The following NUF2 variants were observed in gnomAD, a reference collection of about 807,000 sequenced individuals.
NUF2 encodes kinetochore protein Nuf2.
NUF2 carries 34 observed loss-of-function variants against 61.8 expected under a neutral mutation model. That is an observed-to-expected ratio of 0.55 (90% CI 0.42 to 0.73). The LOEUF (loss-of-function observed/expected upper bound fraction) is 0.73, where lower values mean the gene tolerates loss of function less well. Among genes scored for constraint, NUF2 ranks in the 30% least tolerant of loss-of-function variants. The pLI, the probability that NUF2 is intolerant of heterozygous loss-of-function variation, is 0.00. For missense variants in NUF2, 445 were observed against 539.1 expected, an observed-to-expected ratio of 0.83 and a Z score of 1.73; for synonymous variants, 172 against 181.6, an observed-to-expected ratio of 0.95 and a Z score of 0.42.
chr1:163,345,997 C>G, intron 11 of NUF2, 179 bp downstream of exon 11: 1 of 438,484 alleles, frequency 2.3e-6, no homozygotes, highest in East Asian at 3.6e-5. Context: ...ATAGCAGTAG[C>G]AAGACCCAAT....
intron 13 of NUF2, 25 bp from the exon 14 acceptor site, chr1:163,355,310 T>C (rs1354982691): frequency 6.4e-7 from 1 of 1,555,526 alleles, no homozygotes; most frequent in African/African-American, 1.4e-5. Flanking sequence ...GGAATAATTA[T>C]TATTCTGTTT....
chr1:163,323,127 T>C (rs1389202522), intron 1 of NUF2: 4 of 152,206 alleles, frequency 2.6e-5, no homozygotes, highest in African/African-American at 9.7e-5. Flanking sequence ...ATACAAATAT[T>C]ATATGATGCG....
At chr1:163,333,897 G>A (rs146304438) in intron 5 of NUF2, among the ~76,000 whole-genome samples, 1,644 of 152,126 alleles carry the variant, frequency 0.011, 22 homozygotes, top group Non-Finnish European at 0.016. Flanking sequence ...GTGAAATCTC[G>A]GCTTTTAGTG....
intron 8 of NUF2, chr1:163,340,115 T>C: frequency 2.3e-6 from 1 of 436,054 alleles, no homozygotes; most frequent in Non-Finnish European, 4.0e-6. Flanking sequence ...TTTCAACTTA[T>C]ATGTATTATT....
At position 163,340,366 on chromosome 1, in the gene NUF2, A is replaced by T. The variant is rs751726874; in HGVS notation, c.609A>T (p.Ile203=). ...SLNQDFHQKT[I]VLQEGNSQKK... ...AACGTGTTTGCTTTTTCCCTTAGAT[A>T]GTGCTGCAAGAGGGAAATTCCCAAA... The change falls in exon 9 of 14, where the codon ATA becomes ATT. Residue 203 remains isoleucine, a splice_region_variant and synonymous_variant. Transcript: ENST00000271452. 4 of 1,608,940 alleles carry T rather than the reference A, an allele frequency of 2.5e-6. No individual in the cohort carries two copies. The Admixed American group carries it at 6.7e-5, about 27-fold the overall frequency.
intron 9 of NUF2, 80 bp from the exon 10 acceptor site, chr1:163,343,653 T>C: frequency 1.6e-6 from 1 of 639,436 alleles, no homozygotes; most frequent in Non-Finnish European, 2.4e-6. Context: ...ATGGACCTAA[T>C]TTCTTTGTTC....
intron 5 of NUF2, among the ~76,000 whole-genome samples, chr1:163,330,738 T>A (rs1008897693): frequency 2.2e-4 from 34 of 152,264 alleles, no homozygotes; most frequent in African/African-American, 7.5e-4. Flanking sequence ...GTTAAATTTC[T>A]CATAATGATG....
At chr1:163,330,469 GCTTTACAGT>G (rs1650558063) in intron 5 of NUF2, among the ~76,000 whole-genome samples, 3 of 152,142 alleles carry the variant, frequency 2.0e-5, no homozygotes, top group South Asian at 4.1e-4. Context: ...TGATTATTTA[GCTTTACAGT>G]AAATTTTGAA....
In NUF2 at chr1:163,339,164, G is replaced by A. The variant is rs1214784214; in HGVS notation, c.510-217G>A. 7 of 500,288 alleles carry A rather than the reference G, an allele frequency of 1.4e-5. 1 individual carries two copies. The highest frequency in any genetic ancestry group is 3.9e-5 in the African/African-American group (2 of 51,260). The allele number at this position is 500,288 out of a possible 1,614,324, so 31.0% of individuals were successfully genotyped here. A position where few individuals can be genotyped will look rare whatever the true frequency, so the allele number is the denominator to read the frequency against. On this transcript the variant is annotated intron_variant, in intron 7 of 13. Coordinates refer to ENST00000271452, the MANE Select transcript of NUF2 (RefSeq NM_145697.3). ...AGGTATGTGTGTGGATGGATCCATAGATTTGATAGTAGAAAACTGAAGGAG... is the reference window on the plus strand; with the variant it reads ...AGGTATGTGTGTGGATGGATCCATAAATTTGATAGTAGAAAACTGAAGGAG...
chr1:163,347,180 AATG>A (rs1421692288), intron 11 of NUF2, among the ~76,000 whole-genome samples: 1 of 152,248 alleles, frequency 6.6e-6, no homozygotes, highest in Non-Finnish European at 1.5e-5. Context: ...GCCCTGAAGA[AATG>A]AGAGCTAAGG....
intron 9 of NUF2, 120 bp downstream of exon 9, chr1:163,340,546 A>G (rs1044509670): frequency 3.0e-5 from 19 of 639,378 alleles, no homozygotes; most frequent in South Asian, 2.3e-5. Flanking sequence ...AAATGAAACA[A>G]TCTTTTTCAA....
At chr1:163,334,754 G>C (rs142031586) in intron 5 of NUF2, among the ~76,000 whole-genome samples, 1 of 152,110 alleles carries the variant, frequency 6.6e-6, no homozygotes. Flanking sequence ...ATCCCAGCCT[G>C]AGCAACAGAG....
Position 163,328,313 on chromosome 1 carries a change from AGAGTGATTTT to A in NUF2, c.275+10_275+19del. ...AATTTAGTTACTCATCTGTGAGTAA[AGAGTGATTTT>A]ATTGTCTTCGTCTACATTCGTATTT... On this transcript the variant is annotated intron_variant, in intron 4 of 13. Coordinates refer to ENST00000271452, the MANE Select transcript of NUF2 (RefSeq NM_145697.3). 6.5e-7 allele frequency: 1 copy of A among 1,531,406 alleles called. No individual in the cohort carries two copies. Among genetic ancestry groups the A allele is most frequent in the Non-Finnish European group, 9.0e-7 (1 of 1,110,044 alleles). The allele number at this position is 1,531,406 out of a possible 1,614,324, so 94.9% of individuals were successfully genotyped here. A position where few individuals can be genotyped will look rare whatever the true frequency, so the allele number is the denominator to read the frequency against.
At chr1:163,327,066 A>G (rs192950227) in intron 2 of NUF2, among the ~76,000 whole-genome samples, 6 of 151,814 alleles carry the variant, frequency 4.0e-5, no homozygotes, top group African/African-American at 1.2e-4. Context: ...GGAAACCTTA[A>G]TATCTATGGC....
At chr1:163,332,467 C>T (rs1463998245) in intron 5 of NUF2, among the ~76,000 whole-genome samples, 1 of 152,074 alleles carries the variant, frequency 6.6e-6, no homozygotes, top group African/African-American at 2.4e-5. Flanking sequence ...AGATAACATA[C>T]ATTTATTCTC....
At chr1:163,336,651 A>G (rs1650768856) in intron 5 of NUF2, 100 bp from the exon 6 acceptor site, 3 of 714,148 alleles carry the variant, frequency 4.2e-6, no homozygotes, top group East Asian at 2.7e-5. Flanking sequence ...GTTTTATTTT[A>G]TATATTATGA....
Position 163,339,374 on chromosome 1 carries a change from TGTTAA to T in NUF2, c.510-3_511del, listed in dbSNP as rs1650865076. 5 of 1,580,998 alleles carry T rather than the reference TGTTAA, an allele frequency of 3.2e-6. No individual in the cohort carries two copies. The highest frequency in any genetic ancestry group is 1.7e-5 in the Admixed American group (1 of 59,390). On this transcript the variant is annotated splice_acceptor_variant and splice_polypyrimidine_tract_variant and intron_variant, in intron 7 of 13. Coordinates refer to ENST00000271452, the MANE Select transcript of NUF2 (RefSeq NM_145697.3). LOFTEE classifies it high-confidence loss of function. The stretch of plus-strand genomic sequence containing the variant: ...AGCAGTATTTTAATCTATTTTGCTG[TGTTAA>T]GTTCTGTTCCAGTTGAAGAGCAAGA...
intron 13 of NUF2, among the ~76,000 whole-genome samples, 154 bp downstream of exon 13, chr1:163,349,234 C>T (rs1170244340): frequency 6.6e-6 from 1 of 152,046 alleles, no homozygotes; most frequent in Non-Finnish European, 1.5e-5. Context: ...AATATATTTA[C>T]TGTAAAGCTT....
At chr1:163,340,189 A>G (rs1650893567) in intron 8 of NUF2, 175 bp from the exon 9 acceptor site, 2 of 533,580 alleles carry the variant, frequency 3.7e-6, no homozygotes, top group Admixed American at 4.0e-5. Flanking sequence ...ACTACTTAGT[A>G]AAGGAACTCT....
Sources: allele counts gnomAD v4.1 joint callset (sites outside exome capture counted in the v4.1 genomes callset), GRCh38; gene constraint gnomAD v4.1.1; transcripts MANE v1.5; gene names NCBI Gene and HGNC (gene_info 2026-07-23, HGNC 2026-07-21).